Variants in WT1 observed in about 807,000 individuals in gnomAD.
WT1 encodes the protein WT1 transcription factor, also known as Wilms tumor protein.
Under a neutral mutation model 60.8 loss-of-function variants are expected in WT1, and 8 were observed. The observed-to-expected ratio is 0.13, with a 90% CI of 0.08 to 0.24. WT1 has a LOEUF of 0.24. Among genes scored for constraint, WT1 ranks in the 10% least tolerant of loss-of-function variants. WT1 has a pLI of 1.00. For missense variants in WT1, 568 were observed against 711.8 expected, an observed-to-expected ratio of 0.80 and a Z score of 2.30; for synonymous variants, 312 against 297.1, an observed-to-expected ratio of 1.05 and a Z score of -0.52.
intron 6 of WT1, among the ~76,000 whole-genome samples, chr11:32,398,910 A>T (rs1852055834): frequency 6.6e-6 from 1 of 151,610 alleles, no homozygotes; most frequent in Non-Finnish European, 1.5e-5. Flanking sequence ...TAATCCCAGC[A>T]CTTTGGGAGG....
intron 9 of WT1, among the ~76,000 whole-genome samples, chr11:32,391,477 G>A (rs1474172171): frequency 6.6e-6 from 1 of 152,186 alleles, no homozygotes; most frequent in Admixed American, 6.5e-5. Flanking sequence ...CTAGTATGAA[G>A]GAAATAATAT....
At chr11:32,390,462 G>A (rs535796552) in intron 9 of WT1, among the ~76,000 whole-genome samples, 1 of 152,174 alleles carries the variant, frequency 6.6e-6, no homozygotes, top group African/African-American at 2.4e-5. Context: ...AAGCATCAAA[G>A]GCACCTGAGG....
rs1565002773 is a variant in WT1, at chr11:32,435,408, C to G, written c.-48G>C. Reference sequence around the variant, plus strand: ...GGCCCGGGCGCCTGGGCTGCCGTCCCGGCTCTGGGTGGGTGGGTGGGTGAA... The same window carrying G: ...GGCCCGGGCGCCTGGGCTGCCGTCCGGGCTCTGGGTGGGTGGGTGGGTGAA... On this transcript the variant is annotated 5_prime_UTR_variant, in exon 1 of 10. Transcript: ENST00000452863. The G allele has an allele frequency of 9.7e-6, 7 of 719,636 alleles. No individual in the cohort carries two copies. Among genetic ancestry groups the G allele is most frequent in the Non-Finnish European group, 1.3e-5 (7 of 537,286 alleles). The allele number at this position is 719,636 out of a possible 1,614,324, so 44.6% of individuals were successfully genotyped here.
At chr11:32,407,127 T>C (rs1852338122) in intron 5 of WT1, among the ~76,000 whole-genome samples, 1 of 151,934 alleles carries the variant, frequency 6.6e-6, no homozygotes, top group Non-Finnish European at 1.5e-5. Flanking sequence ...AAACAAAAAA[T>C]GCATACACAC....
intron 3 of WT1, among the ~76,000 whole-genome samples, chr11:32,421,896 G>A (rs1852868780): frequency 6.6e-6 from 1 of 152,228 alleles, no homozygotes; most frequent in Non-Finnish European, 1.5e-5. Flanking sequence ...CCTCTGCCAC[G>A]TAGCTGCTGG....
chr11:32,402,184 T>C (rs1259825257), intron 5 of WT1, among the ~76,000 whole-genome samples: 1 of 152,216 alleles, frequency 6.6e-6, no homozygotes, highest in Non-Finnish European at 1.5e-5. Flanking sequence ...ACCTACCATA[T>C]CTTGTCTCCA....
At chr11:32,405,455 A>T (rs76815481) in intron 5 of WT1, among the ~76,000 whole-genome samples, 14 of 150,118 alleles carry the variant, frequency 9.3e-5, no homozygotes, top group Admixed American at 6.7e-5. Flanking sequence ...GTCTGTAAAA[A>T]ATATATATAT....
At chr11:32,404,192 C>T (rs1284018670) in intron 5 of WT1, among the ~76,000 whole-genome samples, 1 of 149,810 alleles carries the variant, frequency 6.7e-6, no homozygotes, top group African/African-American at 2.5e-5. Flanking sequence ...ATCGCTTGAA[C>T]CCGGGAGGCG....
chr11:32,396,212 C>G, intron 7 of WT1, 45 bp downstream of exon 7: 1 of 1,613,496 alleles, frequency 6.2e-7, no homozygotes, highest in Non-Finnish European at 8.5e-7. Flanking sequence ...GGAAAAGGAG[C>G]TCTTGAACCA....
chr11:32,389,080 G>A lies in WT1; in HGVS notation c.1547C>T (p.Thr516Ile), dbSNP rs528613270. The A allele has an allele frequency of 6.2e-7, 1 of 1,614,238 alleles. No individual in the cohort carries two copies. Among genetic ancestry groups the A allele is most frequent in the East Asian group, 2.2e-5 (1 of 44,888 alleles). The change falls in exon 10 of 10, where the codon ACC (threonine) becomes ATC (isoleucine). Residue 516 changes from threonine to isoleucine, a missense_variant. By Grantham distance (89) the Thr-to-Ile change is moderately conservative. Around this residue, in one of 3 missense-constraint regions of WT1, gnomAD observed 29 missense variants for 46.8 expected, o/e 0.62. Coordinates refer to ENST00000452863, the MANE Select transcript of WT1 (RefSeq NM_024426.6). ...CCCTCAAAGCGCCAGCTGGAGTTTG[G>A]TCATGTTTCTCTGATGCATGTTGTG...
chr11:32,431,026 G>T (rs910072437), intron 1 of WT1, among the ~76,000 whole-genome samples: 1 of 151,986 alleles, frequency 6.6e-6, no homozygotes, highest in Admixed American at 6.5e-5. Flanking sequence ...CCAAGGTAGC[G>T]CCTTTCCCAC....
At chr11:32,416,709 G>A (rs1337154791) in intron 4 of WT1, among the ~76,000 whole-genome samples, 169 bp from the exon 5 acceptor site, 1 of 152,176 alleles carries the variant, frequency 6.6e-6, no homozygotes, top group Non-Finnish European at 1.5e-5. Flanking sequence ...TGGTGGGGTG[G>A]AAGGCACCAC....
At chr11:32,416,926 C>A (rs778623647) in intron 4 of WT1, among the ~76,000 whole-genome samples, 1 of 152,168 alleles carries the variant, frequency 6.6e-6, no homozygotes, top group Non-Finnish European at 1.5e-5. Context: ...GCTGCAGGCA[C>A]TTCATGAGTG....
chr11:32,392,049 T>C lies in WT1; in HGVS notation c.1370A>G (p.Gln457Arg). ...GAACTTTCGCTGACAAGTTTTACAC[T>C]GGAATGGTTTCACACCTAAATGGAC... The change falls in exon 9 of 10, where the codon CAG becomes CGG. Residue 457 changes from glutamine to arginine, a missense_variant. Physicochemically the swap from Gln to Arg is conservative, Grantham distance 43. Coordinates refer to ENST00000452863, the MANE Select transcript of WT1 (RefSeq NM_024426.6). 1 of 1,614,164 alleles carries C rather than the reference T, an allele frequency of 6.2e-7. No homozygotes were observed. The highest frequency in any genetic ancestry group is 8.5e-7 in the Non-Finnish European group (1 of 1,180,038).
chr11:32,424,542 T>C (rs76425751), intron 3 of WT1, among the ~76,000 whole-genome samples: 1,628 of 152,324 alleles, frequency 0.011, 34 homozygotes, highest in African/African-American at 0.037. Flanking sequence ...GGCAGACACC[T>C]GGTTTCAGAA....
At chr11:32,431,169 C>T (rs1853296135) in intron 1 of WT1, among the ~76,000 whole-genome samples, 2 of 152,198 alleles carry the variant, frequency 1.3e-5, no homozygotes, top group African/African-American at 2.4e-5. Flanking sequence ...GCCGTGAGAG[C>T]TGAGGGGTGA....
At chr11:32,430,776 C>T in intron 1 of WT1, 1 of 1,324,382 alleles carries the variant, frequency 7.6e-7, no homozygotes, top group Non-Finnish European at 9.6e-7. Context: ...CTCAAACCCT[C>T]TCCTTCAGGT....
chr11:32,423,933 C>A (rs758853510), intron 3 of WT1, among the ~76,000 whole-genome samples: 1 of 152,058 alleles, frequency 6.6e-6, no homozygotes, highest in African/African-American at 2.4e-5. Context: ...GAGGCCCAGG[C>A]GGGTGGATCA....
chr11:32,416,425 T>C lies in WT1; in HGVS notation c.1016+65A>G, dbSNP rs527557101. The C allele has an allele frequency of 1.9e-4, 313 of 1,605,546 alleles. 1 individual carries two copies. Among genetic ancestry groups the C allele is most frequent in the Non-Finnish European group, 2.5e-4 (288 of 1,173,166 alleles). The stretch of plus-strand genomic sequence containing the variant: ...CCCACGTCAGTCCTAACTCCTGCAT[T>C]GCCCCAGGTGCCAGTCAGCAAGGCC... On this transcript the variant is annotated intron_variant, in intron 5 of 9. Coordinates refer to ENST00000452863, the MANE Select transcript of WT1 (RefSeq NM_024426.6).
Sources: gnomAD v4.1 joint callset for allele counts (sites outside exome capture counted in the v4.1 genomes callset) on GRCh38, gnomAD v4.1.1 for gene constraint, gnomAD v4.1.1 regional missense constraint, MANE v1.5 for transcripts, NCBI Gene and HGNC (gene_info 2026-07-23, HGNC 2026-07-21) for gene names.